ANO10: variants seen among roughly 807,000 people sequenced by gnomAD.
The protein encoded by ANO10 is anoctamin 10.
ANO10 carries 77 observed loss-of-function variants against 74.7 expected under a neutral mutation model. The ratio of observed to expected loss-of-function variants is 1.03; its 90% CI spans 0.86 to 1.25. The LOEUF (loss-of-function observed/expected upper bound fraction) is 1.25. Among genes scored for constraint, ANO10 ranks in the 50% most tolerant of loss-of-function variants. ANO10 has a pLI of 0.00. For missense variants in ANO10, 721 were observed against 778.1 expected, an observed-to-expected ratio of 0.93 and a Z score of 0.87; for synonymous variants, 279 against 284.9, an observed-to-expected ratio of 0.98 and a Z score of 0.21.
chr3:43,532,538 C>T (rs1687782251), intron 11 of ANO10, among the ~76,000 whole-genome samples: 1 of 152,110 alleles, frequency 6.6e-6, no homozygotes, highest in African/African-American at 2.4e-5. Context: ...TGCAGAGATA[C>T]ATAAAATTCT....
chr3:43,628,075 A>T (rs2083509204), intron 1 of ANO10, among the ~76,000 whole-genome samples: 1 of 152,104 alleles, frequency 6.6e-6, no homozygotes, highest in Non-Finnish European at 1.5e-5. Flanking sequence ...GTTTACAGTC[A>T]TATAATATAA....
chr3:43,645,776 G>C (rs2083719902), intron 1 of ANO10, among the ~76,000 whole-genome samples: 1 of 151,974 alleles, frequency 6.6e-6, no homozygotes, highest in Non-Finnish European at 1.5e-5. Context: ...CTTTTCAAAG[G>C]CTCTGGCAAA....
At chr3:43,577,396 A>G (rs2081064054) in intron 5 of ANO10, 135 bp from the exon 6 acceptor site, 1 of 876,318 alleles carries the variant, frequency 1.1e-6, no homozygotes, top group Admixed American at 2.1e-5. Flanking sequence ...TGTGGTGGTA[A>G]ATCTACCCTC....
chr3:43,428,510 CACATGTACAAATTTAAAAATCACCT>C (rs947492033), intron 12 of ANO10, among the ~76,000 whole-genome samples: 4 of 151,982 alleles, frequency 2.6e-5, no homozygotes, highest in African/African-American at 9.7e-5. Context: ...ATTAGAGCTG[CACATGTACAAATTTAAAAATCACCT>C]TCAGGGCAAG....
upstream of ANO10, among the ~76,000 whole-genome samples, chr3:43,623,024 C>A (rs2083453344): frequency 6.6e-6 from 1 of 152,164 alleles, no homozygotes; most frequent in Non-Finnish European, 1.5e-5. Context: ...CACCATCATG[C>A]CCAGCTAATT....
At chr3:43,629,801 G>A (rs1352077386) in intron 1 of ANO10, among the ~76,000 whole-genome samples, 1 of 152,162 alleles carries the variant, frequency 6.6e-6, no homozygotes, top group African/African-American at 2.4e-5. Context: ...GATATTCTTG[G>A]GTTTGAGATG....
Position 43,577,021 on chromosome 3 carries a change from T to G in ANO10, c.833A>C (p.Lys278Thr). Residue 278 changes from lysine to threonine, a missense_variant, in exon 6 of 13, where the codon AAG becomes ACG. By Grantham distance (78) the Lys-to-Thr change is moderately conservative. Transcript: ENST00000292246. ...MTYRWGTLLM[K>T]RKFEEPRPGF... ...TGGCCGGGGCTCCTCAAACTTTCTC[T>G]TCATGAGCAGTGTCCCCCACCTGTA... 1 of 1,614,116 alleles carries G rather than the reference T, an allele frequency of 6.2e-7. No homozygotes were observed. The highest frequency in any genetic ancestry group is 8.5e-7 in the Non-Finnish European group (1 of 1,179,972).
At chr3:43,487,507 T>C (rs13087786) in intron 11 of ANO10, among the ~76,000 whole-genome samples, 33,613 of 151,718 alleles carry the variant, frequency 0.22, 4,204 homozygotes, top group Middle Eastern at 0.36. Context: ...ATTCAGAGAT[T>C]CAACTTCTTC....
intron 12 of ANO10, among the ~76,000 whole-genome samples, chr3:43,392,981 G>C (rs2092306724): frequency 6.6e-6 from 1 of 152,174 alleles, no homozygotes; most frequent in South Asian, 2.1e-4. Context: ...TTTTTAATCT[G>C]ATTTAATTTG....
chr3:43,684,009 C>G (rs2084239710), intron 1 of ANO10, among the ~76,000 whole-genome samples: 1 of 152,178 alleles, frequency 6.6e-6, no homozygotes, highest in Non-Finnish European at 1.5e-5. Context: ...GCATTCAGGA[C>G]ATAGTCATGG....
intron 12 of ANO10, among the ~76,000 whole-genome samples, chr3:43,408,577 C>T (rs2092615949): frequency 6.6e-6 from 1 of 152,170 alleles, no homozygotes; most frequent in South Asian, 2.1e-4. Flanking sequence ...AGAAGCCAAA[C>T]CTGCGATCTG....
At chr3:43,509,849 T>C (rs1575301273) in intron 11 of ANO10, among the ~76,000 whole-genome samples, 1 of 152,212 alleles carries the variant, frequency 6.6e-6, no homozygotes. Flanking sequence ...ATATATACCA[T>C]AGATAATAAT....
chr3:43,517,617 G>A (rs1182071319), intron 11 of ANO10, among the ~76,000 whole-genome samples: 1 of 152,058 alleles, frequency 6.6e-6, no homozygotes, highest in East Asian at 1.9e-4. Context: ...GCAAGATGGT[G>A]GCCATCTAAA....
At chr3:43,451,962 C>T (rs1242147627) in intron 11 of ANO10, among the ~76,000 whole-genome samples, 1 of 152,016 alleles carries the variant, frequency 6.6e-6, no homozygotes, top group African/African-American at 2.4e-5. Flanking sequence ...GTTTGGCTAC[C>T]GATAAACTCC....
intron 8 of ANO10, among the ~76,000 whole-genome samples, chr3:43,563,624 G>C (rs1401734390): frequency 3.9e-5 from 6 of 152,124 alleles, no homozygotes; most frequent in African/African-American, 1.2e-4. Flanking sequence ...CAGATGAATA[G>C]ATAAGGAAAA....
chr3:43,460,995 A>G (rs79118672), intron 11 of ANO10, among the ~76,000 whole-genome samples: 39 of 145,008 alleles, frequency 2.7e-4, no homozygotes, highest in African/African-American at 1.0e-3. Context: ...AAGGGGCTAG[A>G]AAAAAAAAAC....
At chr3:43,403,601 C>A (rs908398937) in intron 12 of ANO10, among the ~76,000 whole-genome samples, 7 of 152,192 alleles carry the variant, frequency 4.6e-5, no homozygotes, top group Non-Finnish European at 7.3e-5. Flanking sequence ...GATAGGATAA[C>A]CCTGTGCCCC....
intron 11 of ANO10, among the ~76,000 whole-genome samples, chr3:43,547,137 A>G (rs1431546836): frequency 6.6e-6 from 1 of 152,204 alleles, no homozygotes; most frequent in Non-Finnish European, 1.5e-5. Context: ...GGAAATACCA[A>G]AATGTTTTTC....
intron 7 of ANO10, among the ~76,000 whole-genome samples, chr3:43,572,992 C>T (rs888177082): frequency 4.0e-5 from 6 of 149,598 alleles, no homozygotes; most frequent in South Asian, 2.1e-4. Context: ...CTTTAACCAA[C>T]GGCTTTTTTT....
Sources: allele counts gnomAD v4.1 joint callset (sites outside exome capture counted in the v4.1 genomes callset), GRCh38; gene constraint gnomAD v4.1.1; transcripts MANE v1.5; gene names NCBI Gene and HGNC (gene_info 2026-07-23, HGNC 2026-07-21).